Variants in LDLRAD4 observed in about 807,000 individuals in gnomAD.
The protein encoded by LDLRAD4 is low density lipoprotein receptor class A domain containing 4, also known as low-density lipoprotein receptor class A domain-containing protein 4.
In LDLRAD4, 5 loss-of-function variants were observed where a neutral mutation model predicts 17.0. The observed-to-expected ratio is 0.29, with a 90% confidence interval of 0.15 to 0.62. The LOEUF (loss-of-function observed/expected upper bound fraction) is 0.62, where lower values mean the gene tolerates loss of function less well. Among genes scored for constraint, LDLRAD4 ranks in the 20% least tolerant of loss-of-function variants. The pLI, the probability that LDLRAD4 is intolerant of heterozygous loss-of-function variation, is 0.84. For synonymous variants in LDLRAD4, 168 were observed against 171.8 expected (o/e 0.98, Z 0.17); for missense variants, 340 against 424.7 (o/e 0.80, Z 1.75).
chr18:13,371,157 G>A (rs984545044), intron 1 of LDLRAD4, among the ~76,000 whole-genome samples: 1 of 152,184 alleles, frequency 6.6e-6, no homozygotes, highest in African/African-American at 2.4e-5. Flanking sequence ...GCTGAGGGAA[G>A]ACTCTCCTTT....
At chr18:13,573,079 CTTTAT>C (rs1289952019) in intron 3 of LDLRAD4, among the ~76,000 whole-genome samples, 2 of 152,154 alleles carry the variant, frequency 1.3e-5, no homozygotes, top group South Asian at 4.1e-4. Flanking sequence ...GTTTGTTCTC[CTTTAT>C]TTTATTTTAT....
chr18:13,242,657 A>G (rs1244290618), intron 1 of LDLRAD4, among the ~76,000 whole-genome samples: 1 of 152,244 alleles, frequency 6.6e-6, no homozygotes, highest in African/African-American at 2.4e-5. Flanking sequence ...AAAAAATTAA[A>G]AAAATAGATT....
At chr18:13,429,807 C>A (rs537279389) in intron 2 of LDLRAD4, among the ~76,000 whole-genome samples, 3 of 152,184 alleles carry the variant, frequency 2.0e-5, no homozygotes, top group Admixed American at 2.0e-4. Context: ...CCGCAGGTCG[C>A]GAGGCCCCAC....
chr18:13,391,186 A>T (rs1468419154), intron 2 of LDLRAD4, among the ~76,000 whole-genome samples: 1 of 152,210 alleles, frequency 6.6e-6, no homozygotes, highest in South Asian at 2.1e-4. Flanking sequence ...GGGCCAGGCA[A>T]ACATCACTGG....
chr18:13,364,874 T>C (rs1178827468), intron 1 of LDLRAD4, among the ~76,000 whole-genome samples: 4 of 152,198 alleles, frequency 2.6e-5, no homozygotes. Context: ...TCAGTGCAGT[T>C]CCACTCGTGT....
intron 1 of LDLRAD4, among the ~76,000 whole-genome samples, chr18:13,265,353 C>T (rs1368094144): frequency 2.0e-5 from 3 of 152,142 alleles, no homozygotes; most frequent in Non-Finnish European, 4.4e-5. Flanking sequence ...CCTGTGTGGC[C>T]TGGACGGGGT....
chr18:13,374,367 A>G (rs2084745401), intron 1 of LDLRAD4, among the ~76,000 whole-genome samples: 1 of 152,184 alleles, frequency 6.6e-6, no homozygotes, highest in African/African-American at 2.4e-5. Context: ...CTGTCTGTCC[A>G]TTGTTGGTCT....
intron 1 of LDLRAD4, among the ~76,000 whole-genome samples, chr18:13,262,176 G>C (rs1377721964): frequency 7.4e-6 from 1 of 135,736 alleles, no homozygotes; most frequent in African/African-American, 2.7e-5. Context: ...GCTGAGTCCC[G>C]TGTGGCCCTG....
intron 1 of LDLRAD4, among the ~76,000 whole-genome samples, chr18:13,251,102 C>T (rs2043204829): frequency 1.3e-5 from 2 of 152,160 alleles, no homozygotes; most frequent in East Asian, 3.8e-4. Flanking sequence ...GATTAAATCA[C>T]ATCAGCAGAA....
intron 2 of LDLRAD4, among the ~76,000 whole-genome samples, chr18:13,400,645 C>T (rs1266551876): frequency 6.6e-6 from 1 of 152,208 alleles, no homozygotes; most frequent in African/African-American, 2.4e-5. Flanking sequence ...CAGCTATGTT[C>T]ACACTCGTAT....
intron 1 of LDLRAD4, among the ~76,000 whole-genome samples, chr18:13,258,651 T>C (rs1379727273): frequency 6.6e-6 from 1 of 152,234 alleles, no homozygotes; most frequent in Non-Finnish European, 1.5e-5. Flanking sequence ...CTGGGTCCCA[T>C]AAAAGGTTTT....
intron 1 of LDLRAD4, among the ~76,000 whole-genome samples, chr18:13,263,854 G>A (rs1035205436): frequency 2.0e-5 from 3 of 152,064 alleles, no homozygotes; most frequent in Admixed American, 6.5e-5. Flanking sequence ...ATGATTGGGT[G>A]GTAACTGAAC....
At chr18:13,294,361 C>T (rs375786227) in intron 1 of LDLRAD4, among the ~76,000 whole-genome samples, 115 of 152,332 alleles carry the variant, frequency 7.5e-4, no homozygotes, top group African/African-American at 2.5e-3. Flanking sequence ...ACCAAGATAA[C>T]GGCCCCTTCT....
At chr18:13,403,030 T>A (rs2087369158) in intron 2 of LDLRAD4, among the ~76,000 whole-genome samples, 1 of 152,246 alleles carries the variant, frequency 6.6e-6, no homozygotes, top group Non-Finnish European at 1.5e-5. Flanking sequence ...ATTAAAATGA[T>A]ATTGAAAAAC....
chr18:13,500,518 A>G (rs1048528473), intron 3 of LDLRAD4: 2 of 152,220 alleles, frequency 1.3e-5, no homozygotes, highest in African/African-American at 4.8e-5. Context: ...CGTTATTCCC[A>G]GCTCCTCAGA....
intron 1 of LDLRAD4, among the ~76,000 whole-genome samples, chr18:13,329,344 G>A (rs1212625591): frequency 6.6e-6 from 1 of 152,140 alleles, no homozygotes; most frequent in Non-Finnish European, 1.5e-5. Context: ...AAAGGTTTCT[G>A]TCAGCCTACT....
intron 3 of LDLRAD4, among the ~76,000 whole-genome samples, chr18:13,563,204 T>G (rs1293689): frequency 0.99 from 150,802 of 152,338 alleles, 74,661 homozygotes; most frequent in East Asian, 1. Context: ...GATAACTAAT[T>G]ATGCCTGTAG....
At chr18:13,444,981 G>A (rs556043457) in intron 3 of LDLRAD4, among the ~76,000 whole-genome samples, 1 of 152,332 alleles carries the variant, frequency 6.6e-6, no homozygotes, top group East Asian at 1.9e-4. Context: ...CTTCCCATGT[G>A]TGTTTAGACT....
intron 3 of LDLRAD4, among the ~76,000 whole-genome samples, chr18:13,504,600 G>A (rs185772249): frequency 3.9e-5 from 6 of 152,152 alleles, no homozygotes; most frequent in Admixed American, 2.0e-4. Flanking sequence ...GCTAATTTTT[G>A]TACTTTTAGT....
Sources: allele counts gnomAD v4.1 joint callset (sites outside exome capture counted in the v4.1 genomes callset), GRCh38; gene constraint gnomAD v4.1.1; transcripts MANE v1.5; gene names NCBI Gene and HGNC (gene_info 2026-07-23, HGNC 2026-07-21).